The following LINGO2 variants were observed in gnomAD, a reference collection of about 807,000 sequenced individuals.
The protein encoded by LINGO2 is leucine-rich repeat and immunoglobulin-like domain-containing nogo receptor-interacting protein 2.
LINGO2 carries 14 observed loss-of-function variants against 30.6 expected under a neutral mutation model. The observed-to-expected ratio is 0.46, with a 90% confidence interval of 0.30 to 0.72. The LOEUF is 0.72. Ranked by LOEUF, LINGO2 falls within the 30% of genes least tolerant of loss-of-function variation. LINGO2 has a pLI of 0.07. For synonymous variants in LINGO2, 317 were observed against 288.5 expected (o/e 1.10, Z -1.00); for missense variants, 729 against 751.7 (o/e 0.97, Z 0.35).
chr9:27,963,377 A>G (rs1819940578), intron 5 of LINGO2, among the ~76,000 whole-genome samples: 1 of 152,196 alleles, frequency 6.6e-6, no homozygotes, highest in African/African-American at 2.4e-5. Flanking sequence ...TACAGTGATA[A>G]GGAGAGTGAA....
intron 3 of LINGO2, among the ~76,000 whole-genome samples, chr9:28,307,236 C>T (rs1226461713): frequency 6.6e-6 from 1 of 152,190 alleles, no homozygotes; most frequent in East Asian, 1.9e-4. Flanking sequence ...CCACCATGGT[C>T]AAGTGGGCTT....
chr9:28,583,454 A>T (rs1258061729), intron 1 of LINGO2, among the ~76,000 whole-genome samples: 1 of 151,892 alleles, frequency 6.6e-6, no homozygotes, highest in African/African-American at 2.4e-5. Flanking sequence ...TCAGAAAAAC[A>T]TTTCCCTTTG....
intron 4 of LINGO2, among the ~76,000 whole-genome samples, chr9:28,242,186 G>T (rs1821824643): frequency 6.6e-6 from 1 of 152,128 alleles, no homozygotes; most frequent in Non-Finnish European, 1.5e-5. Context: ...TAAGGTAAAA[G>T]AGCATGTTCT....
At chr9:28,558,186 G>C (rs867478562) in intron 1 of LINGO2, among the ~76,000 whole-genome samples, 1 of 150,466 alleles carries the variant, frequency 6.6e-6, no homozygotes, top group Non-Finnish European at 1.5e-5. Context: ...AAAAAACAAT[G>C]GGTCTGTTGA....
At chr9:28,477,478 C>T (rs548936412) in intron 1 of LINGO2, among the ~76,000 whole-genome samples, 1 of 152,184 alleles carries the variant, frequency 6.6e-6, no homozygotes, top group Admixed American at 6.5e-5. Context: ...CAAACTTGAC[C>T]CAAATTGAAA....
chr9:27,954,373 G>C (rs763988547), intron 5 of LINGO2, among the ~76,000 whole-genome samples: 1 of 152,032 alleles, frequency 6.6e-6, no homozygotes, highest in African/African-American at 2.4e-5. Context: ...CCAGTGTCTG[G>C]TATCTATCAT....
chr9:28,744,063 T>G, the LINGO2 span, among the ~76,000 whole-genome samples: 1 of 151,198 alleles, frequency 6.6e-6, no homozygotes, highest in African/African-American at 2.4e-5. Context: ...GGTTCTTTCT[T>G]CTGCTAGCTC....
the LINGO2 span, among the ~76,000 whole-genome samples, chr9:28,975,495 C>A: frequency 6.6e-6 from 1 of 152,268 alleles, no homozygotes; most frequent in East Asian, 1.9e-4. Flanking sequence ...TGCCTAGTGC[C>A]ACTTGCTCTG....
chr9:29,176,203 G>A, the LINGO2 span, among the ~76,000 whole-genome samples: 1 of 151,450 alleles, frequency 6.6e-6, no homozygotes, highest in African/African-American at 2.5e-5. Flanking sequence ...TGGGCTCTGA[G>A]AAGACAGACA....
chr9:28,999,057 G>T, the LINGO2 span, among the ~76,000 whole-genome samples: 1 of 152,066 alleles, frequency 6.6e-6, no homozygotes, highest in South Asian at 2.1e-4. Flanking sequence ...ACTCTTAATA[G>T]AATTTTATTT....
chr9:29,164,608 A>C, the LINGO2 span, among the ~76,000 whole-genome samples: 1 of 152,068 alleles, frequency 6.6e-6, no homozygotes, highest in African/African-American at 2.4e-5. Context: ...ACAATAATAA[A>C]AACGTAATTA....
chr9:28,024,584 G>C (rs918545439), intron 4 of LINGO2, among the ~76,000 whole-genome samples: 6 of 152,148 alleles, frequency 3.9e-5, no homozygotes. Context: ...TCTTTGAGAA[G>C]GCCAAAGCCT....
intron 4 of LINGO2, among the ~76,000 whole-genome samples, chr9:28,185,805 C>G (rs543384390): frequency 4.6e-5 from 7 of 152,188 alleles, no homozygotes; most frequent in South Asian, 2.1e-4. Flanking sequence ...TTATTCTGAA[C>G]CAGTTATTCT....
In LINGO2 at chr9:27,992,569, G is replaced by A. The variant is rs1265400515; in HGVS notation, c.-36+19786C>T. ...AATGAAGGCGAGACTAGGATGCTGC[G>A]GGAGAACAGAGGAGGGAGTGATCAA... On this transcript the variant is annotated intron_variant, in intron 5 of 5. Coordinates refer to ENST00000379992, the Ensembl canonical transcript of LINGO2. Among the ~76,000 whole-genome samples, 17 of 152,068 alleles carry A rather than the reference G, an allele frequency of 1.1e-4. No individual in the cohort carries two copies. The South Asian group carries it at 2.5e-3, about 22-fold the overall frequency.
chr9:28,974,037 C>G, the LINGO2 span, among the ~76,000 whole-genome samples: 1 of 152,140 alleles, frequency 6.6e-6, no homozygotes. Context: ...TACTCTTATC[C>G]TAAGTAGAAT....
At chr9:28,496,569 G>A (rs898010903) in intron 1 of LINGO2, among the ~76,000 whole-genome samples, 1 of 151,648 alleles carries the variant, frequency 6.6e-6, no homozygotes, top group Non-Finnish European at 1.5e-5. Flanking sequence ...TGTGAGATGG[G>A]TCTCCTGAAT....
the LINGO2 span, among the ~76,000 whole-genome samples, chr9:29,188,297 T>G: frequency 6.6e-6 from 1 of 151,574 alleles, no homozygotes; most frequent in Non-Finnish European, 1.5e-5. Context: ...TAACCCTGAG[T>G]GGACACAGCA....
At chr9:28,165,926 T>C (rs917934628) in intron 4 of LINGO2, among the ~76,000 whole-genome samples, 4 of 151,822 alleles carry the variant, frequency 2.6e-5, no homozygotes, top group African/African-American at 9.7e-5. Context: ...AAAGAAAAAA[T>C]TCTCAAAAGG....
chr9:28,568,422 A>G (rs113330127), intron 1 of LINGO2, among the ~76,000 whole-genome samples: 3 of 152,152 alleles, frequency 2.0e-5, no homozygotes, highest in African/African-American at 7.2e-5. Flanking sequence ...AACAAACCCC[A>G]TGACACTAGT....
Sources: allele counts gnomAD v4.1 joint callset (sites outside exome capture counted in the v4.1 genomes callset), GRCh38; gene constraint gnomAD v4.1.1; transcripts MANE v1.5; gene names NCBI Gene and HGNC (gene_info 2026-07-23, HGNC 2026-07-21).